The following DEPDC4 variants were observed in gnomAD, a reference collection of about 807,000 sequenced individuals.
DEPDC4 encodes the protein DEP domain-containing protein 4.
DEPDC4 carries 52 observed loss-of-function variants against 52.0 expected under a neutral mutation model. The ratio of observed to expected loss-of-function variants is 1.00; its 90% CI spans 0.80 to 1.26. The LOEUF (loss-of-function observed/expected upper bound fraction) is 1.26, where lower values mean the gene tolerates loss of function less well. Ranked by LOEUF, DEPDC4 falls within the 50% of genes most tolerant of loss-of-function variation. The pLI is 0.00. For synonymous variants in DEPDC4, 201 were observed against 196.8 expected, an observed-to-expected ratio of 1.02 and a Z score of -0.18; for missense variants, 530 against 546.9, an observed-to-expected ratio of 0.97 and a Z score of 0.31.
chr12:100,239,005 G>A (rs1445811799), downstream of DEPDC4, among the ~76,000 whole-genome samples: 1 of 152,128 alleles, frequency 6.6e-6, no homozygotes, highest in East Asian at 1.9e-4. Flanking sequence ...ACAAAAAACT[G>A]CCTACAGTTT....
chr12:100,245,630 C>T (rs1013825129), intron 8 of DEPDC4, among the ~76,000 whole-genome samples: 2 of 152,170 alleles, frequency 1.3e-5, no homozygotes, highest in African/African-American at 2.4e-5. Context: ...CTAAATATTT[C>T]TCAAACTGTT....
chr12:100,234,550 A>C (rs1395174323), intron 9 of DEPDC4, among the ~76,000 whole-genome samples: 1 of 152,102 alleles, frequency 6.6e-6, no homozygotes, highest in African/African-American at 2.4e-5. Flanking sequence ...TCTTTGCTAA[A>C]ATGGGATTTT....
chr12:100,266,824 G>A (rs2096275794), intron 1 of DEPDC4, 96 bp downstream of exon 1: 2 of 1,461,014 alleles, frequency 1.4e-6, no homozygotes, highest in South Asian at 1.3e-5. Context: ...AATGGGCGGG[G>A]CCCTGGACCA....
rs947925668 is a variant in DEPDC4 at position 100,242,928 on chromosome 12, A to T, written c.1454-359T>A. The stretch of plus-strand genomic sequence containing the variant: ...TCTACTGTGTCCACTCCAACATTCA[A>T]GGAAATACAGTAATTCACCCTTATT... On this transcript the variant is annotated intron_variant, in intron 8 of 9. Transcript: ENST00000550587. Among the ~76,000 whole-genome samples, 3 of 152,178 alleles carry T rather than the reference A, an allele frequency of 2.0e-5. No homozygotes were observed. In the South Asian group the frequency reaches 6.2e-4, roughly 32 times the overall value.
At chr12:100,243,404 A>G (rs2096168563) in intron 8 of DEPDC4, among the ~76,000 whole-genome samples, 1 of 152,168 alleles carries the variant, frequency 6.6e-6, no homozygotes, top group South Asian at 2.1e-4. Context: ...TCATCCATTC[A>G]GTGCTCCCCT....
chr12:100,244,099 A>G (rs1318653788), intron 8 of DEPDC4, among the ~76,000 whole-genome samples: 8 of 46,386 alleles, frequency 1.7e-4, no homozygotes, highest in African/African-American at 4.9e-4. Context: ...CTCTGTGTAT[A>G]TATATATATA....
At chr12:100,252,608 AGTCAAT>A in intron 5 of DEPDC4, 72 bp from the exon 6 acceptor site, 1 of 1,416,776 alleles carries the variant, frequency 7.1e-7, no homozygotes, top group Non-Finnish European at 9.5e-7. Flanking sequence ...TTTACTTAGT[AGTCAAT>A]TAAAATGCTA....
rs1394826423 is a variant in DEPDC4, at chr12:100,241,488, A to G, written c.*404T>C. The stretch of plus-strand genomic sequence containing the variant: ...CAAGGCAGGAGGATGACTTGAGGCC[A>G]GGAGTTCGAGACCAGCCTGGGCAAC... On this transcript the variant is annotated 3_prime_UTR_variant, in exon 10 of 10. Coordinates refer to ENST00000550587, the MANE Select transcript of DEPDC4 (RefSeq NM_001364818.2). Among the ~76,000 whole-genome samples the G allele has an allele frequency of 6.6e-6, 1 of 152,182 alleles. No individual in the cohort carries two copies. Among genetic ancestry groups the G allele is most frequent in the East Asian group, 1.9e-4 (1 of 5,196 alleles).
At chr12:100,259,663 G>A (rs77154997) in intron 3 of DEPDC4, among the ~76,000 whole-genome samples, 2,224 of 152,238 alleles carry the variant, frequency 0.015, 62 homozygotes, top group African/African-American at 0.051. Context: ...TAGATACAGG[G>A]AGGGAAAGAG....
chr12:100,264,831 C>T (rs900808797), intron 1 of DEPDC4, among the ~76,000 whole-genome samples: 5 of 151,880 alleles, frequency 3.3e-5, no homozygotes, highest in Admixed American at 1.3e-4. Flanking sequence ...CTGTTGCTCC[C>T]GATTAAGGGG....
chr12:100,256,156 CA>C lies in DEPDC4; in HGVS notation c.770del (p.Leu257TrpfsTer12), dbSNP rs1303448774. On this transcript the variant is annotated frameshift_variant, in exon 4 of 10. Coordinates refer to ENST00000550587, the MANE Select transcript of DEPDC4 (RefSeq NM_001364818.2). LOFTEE classifies it high-confidence loss of function. ...GATTTTGTGTTTTAACTGGAGGCTC[CA>C]AAATATTGTCCAAGAATGGAAGGTG... ...LIHLPFLDNI[L>X]EPPVKTQNLQ... 1.2e-5 allele frequency: 20 copies of C among 1,612,664 alleles called. No homozygotes were observed. Among genetic ancestry groups the C allele is most frequent in the Non-Finnish European group, 1.6e-5 (19 of 1,179,154 alleles).
At position 100,249,767 on chromosome 12, in the gene DEPDC4, CTGAG is replaced by C. The variant is rs140557294; in HGVS notation, c.1375-793_1375-790del. Among the ~76,000 whole-genome samples the C allele has an allele frequency of 2.3e-3, 343 of 152,274 alleles. 6 individuals carry two copies. In the East Asian group the frequency reaches 0.039, roughly 17 times the overall value. ...ACTTCATTCTGTCATTCTATAAAAA[CTGAG>C]TGAGTGATTTAACGTTATGTGCCAG... On this transcript the variant is annotated intron_variant, in intron 7 of 9. Transcript: ENST00000550587.
chr12:100,253,721 G>A lies in DEPDC4; in HGVS notation c.879-6C>T. ...CATTAAGCCAGTTATCGATTCTAGAGGGAAAATGCAAACCAAAATAAAGCA... is the reference window on the plus strand; with the variant it reads ...CATTAAGCCAGTTATCGATTCTAGAAGGAAAATGCAAACCAAAATAAAGCA... On this transcript the variant is annotated splice_region_variant and splice_polypyrimidine_tract_variant and intron_variant, in intron 4 of 9. Coordinates refer to ENST00000550587, the MANE Select transcript of DEPDC4 (RefSeq NM_001364818.2). The A allele has an allele frequency of 7.8e-7, 1 of 1,274,382 alleles. No homozygotes were observed. Among genetic ancestry groups the A allele is most frequent in the South Asian group, 1.3e-5 (1 of 79,398 alleles). The allele number at this position is 1,274,382 out of a possible 1,614,324, so 78.9% of individuals were successfully genotyped here.
At chr12:100,255,892 G>T (rs1432732525) in intron 4 of DEPDC4, 157 bp downstream of exon 4, 5 of 543,562 alleles carry the variant, frequency 9.2e-6, no homozygotes, top group Non-Finnish European at 1.6e-5. Context: ...ATGACCAATG[G>T]CTTTATTAGA....
At chr12:100,242,649 C>T (rs1237992290) in intron 8 of DEPDC4, 80 bp from the exon 9 acceptor site, 1 of 154,770 alleles carries the variant, frequency 6.5e-6, no homozygotes, top group Admixed American at 6.5e-5. Context: ...TTGTCCATTA[C>T]TGGGGCTTGG....
upstream of DEPDC4, among the ~76,000 whole-genome samples, chr12:100,270,594 G>A (rs193179832): frequency 4.0e-5 from 6 of 148,248 alleles, no homozygotes; most frequent in East Asian, 2.0e-4. Context: ...ATATTTAAGC[G>A]TATGTTGCCT....
downstream of DEPDC4, among the ~76,000 whole-genome samples, chr12:100,237,211 T>C (rs1221096262): frequency 6.6e-6 from 1 of 150,776 alleles, no homozygotes; most frequent in Non-Finnish European, 1.5e-5. Flanking sequence ...CTTTTTCTTT[T>C]TTTTTTTTTT....
chr12:100,274,080 T>C, the DEPDC4 span, among the ~76,000 whole-genome samples: 1 of 152,194 alleles, frequency 6.6e-6, no homozygotes, highest in South Asian at 2.1e-4. Context: ...CTTACAAAAA[T>C]GCAGCATTAA....
chr12:100,247,856 T>C (rs1592878078), intron 8 of DEPDC4, among the ~76,000 whole-genome samples: 3 of 152,182 alleles, frequency 2.0e-5, no homozygotes, highest in East Asian at 3.8e-4. Flanking sequence ...CCCTCCTCTG[T>C]AAATGTTCTT....
Sources: gnomAD v4.1 joint callset for allele counts (sites outside exome capture counted in the v4.1 genomes callset) on GRCh38, gnomAD v4.1.1 for gene constraint, MANE v1.5 for transcripts, NCBI Gene and HGNC (gene_info 2026-07-23, HGNC 2026-07-21) for gene names.